TAF1: variants seen among roughly 807,000 people sequenced by gnomAD.
The protein encoded by TAF1 is transcription initiation factor TFIID subunit 1.
In TAF1, 2 loss-of-function variants were observed where a neutral mutation model predicts 138.5. The observed-to-expected ratio is 0.01, with a 90% confidence interval of 0.01 to 0.05. The LOEUF is 0.05. Ranked by LOEUF, TAF1 falls within the 10% of genes least tolerant of loss-of-function variation. The pLI, the probability that TAF1 is intolerant of heterozygous loss-of-function variation, is 1.00. For synonymous variants in TAF1, 437 were observed against 503.2 expected (o/e 0.87, Z 1.76); for missense variants, 709 against 1,478.0 (o/e 0.48, Z 8.53).
intron 13 of TAF1, among the ~76,000 whole-genome samples, chrX:71,473,653 A>G (rs1490568125): frequency 2.7e-5 from 3 of 110,114 alleles, no homozygotes; most frequent in Non-Finnish European, 5.7e-5. Flanking sequence ...TGGAGCCACT[A>G]CATTCCAGCC....
At chrX:71,413,663 G>T (rs2035908735) in intron 28 of TAF1, among the ~76,000 whole-genome samples, 1 of 111,034 alleles carries the variant, frequency 9.0e-6, no homozygotes, top group Non-Finnish European at 1.9e-5. Context: ...CCATACCTGT[G>T]CTTCTAGTTG....
chrX:71,379,104 G>GTTTTTTTTTTTT lies in TAF1; in HGVS notation c.1360+73_1360+74insTTTTTTTTTTTT, dbSNP rs2033681489. The stretch of plus-strand genomic sequence containing the variant: ...AGTCACCATAAGTGGGCTCAGCTGT[G>GTTTTTTTTTTTT]ATTTTTTTTTTTTTTTTTTTTTTTC... On this transcript the variant is annotated intron_variant, in intron 8 of 37. Coordinates refer to ENST00000423759, the MANE Select transcript of TAF1 (RefSeq NM_004606.5). 1.6e-5 allele frequency: 6 copies of GTTTTTTTTTTTT among 370,414 alleles called. No homozygotes were observed. In the African/African-American group the frequency reaches 2.2e-4, roughly 14 times the overall value. The allele number at this position is 370,414 out of a possible 1,213,427, so 30.5% of individuals were successfully genotyped here.
At chrX:71,493,265 G>A (rs961214742) in intron 13 of TAF1, among the ~76,000 whole-genome samples, 13 of 111,473 alleles carry the variant, frequency 1.2e-4, no homozygotes, top group Non-Finnish European at 2.4e-4. Flanking sequence ...CGCCCGCCTC[G>A]GACTTCCAAA....
Position 71,508,086 on chromosome X carries a change from C to CTCTCTA in TAF1, c.1367-20455_1367-20454insCTCTAT, listed in dbSNP as rs4040068. ...GAATATTCTCTCTCTCTCTCTCTCT[C>CTCTCTA]TATATATATATATATATATATATAT... On this transcript the variant is annotated intron_variant and NMD_transcript_variant, in intron 13 of 14. Coordinates refer to the TAF1 transcript ENST00000373775. 1.0e-2 allele frequency among the ~76,000 whole-genome samples: 921 copies of CTCTCTA among 92,137 alleles called. 12 individuals are homozygous for CTCTCTA. Among genetic ancestry groups the CTCTCTA allele is most frequent in the Non-Finnish European group, 0.016 (770 of 47,664 alleles). 80.0% of individuals were successfully genotyped at this position (92,137 alleles called of 115,157 possible). A position where few individuals can be genotyped will look rare whatever the true frequency, so the allele number is the denominator to read the frequency against.
chrX:71,389,252 A>G (rs758327755), intron 17 of TAF1, among the ~76,000 whole-genome samples: 16 of 111,940 alleles, frequency 1.4e-4, no homozygotes, highest in Admixed American at 2.9e-4. Flanking sequence ...AGAGAAGCAC[A>G]GAATTCTTAT....
intron 13 of TAF1, among the ~76,000 whole-genome samples, chrX:71,512,215 C>T (rs56744897): frequency 0.053 from 5,802 of 109,950 alleles, 355 homozygotes; most frequent in African/African-American, 0.18. Context: ...CTCAGGAGGC[C>T]GAGGCAAGAG....
At chrX:71,482,574 C>T (rs934292975) in intron 13 of TAF1, among the ~76,000 whole-genome samples, 2 of 112,248 alleles carry the variant, frequency 1.8e-5, no homozygotes, top group African/African-American at 6.5e-5. Flanking sequence ...TGCAATAGCA[C>T]GTCTAAAAAT....
In TAF1 at chrX:71,393,224, TTGTGTGTGTGTGTGTG is replaced by T. The variant is rs201372159; in HGVS notation, c.3052-51_3052-36del. 2.4e-4 allele frequency: 233 copies of T among 955,793 alleles called. 1 individual carries two copies. The highest frequency in any genetic ancestry group is 2.9e-4 in the Non-Finnish European group (210 of 727,797). 78.8% of individuals were successfully genotyped at this position (955,793 alleles called of 1,213,427 possible). ...TTGTCCTTTGAAATCCCTGAATGAT[TTGTGTGTGTGTGTGTG>T]TGTGTGTGTGTGTGTGTGTGTGTGT... On this transcript the variant is annotated intron_variant, in intron 20 of 37. Coordinates refer to ENST00000423759, the MANE Select transcript of TAF1 (RefSeq NM_004606.5).
intron 28 of TAF1, among the ~76,000 whole-genome samples, chrX:71,417,602 G>A (rs2036089245): frequency 9.1e-6 from 1 of 110,409 alleles, no homozygotes; most frequent in African/African-American, 3.3e-5. Context: ...GGGCTCAAGC[G>A]ATCTGTCCAC....
chrX:71,393,282 G>T lies in TAF1; in HGVS notation c.3052-19G>T, dbSNP rs755447285. 2 of 1,186,855 alleles carry T rather than the reference G, an allele frequency of 1.7e-6. No homozygotes were observed. The highest frequency in any genetic ancestry group is 2.3e-6 in the Non-Finnish European group (2 of 884,721). ...TGTGTGTGTATATTTATATTTGTGT[G>T]TGGCTATTTGTCTCGTAGATTAAAA... is the stretch of plus-strand genomic sequence containing the variant. On this transcript the variant is annotated intron_variant, in intron 20 of 37. Transcript: ENST00000423759.
chrX:71,433,045 A>G (rs2036967725), intron 32 of TAF1, among the ~76,000 whole-genome samples: 1 of 112,142 alleles, frequency 8.9e-6, no homozygotes, highest in African/African-American at 3.2e-5. Context: ...GAGAGGCTTA[A>G]TATGTTGAGA....
chrX:71,508,086 C>CTCTATATATA (rs4040068), intron 13 of TAF1, among the ~76,000 whole-genome samples: 80 of 92,176 alleles, frequency 8.7e-4, no homozygotes, highest in African/African-American at 1.5e-3. Flanking sequence ...CTCTCTCTCT[C>CTCTATATATA]TATATATATA....
intron 28 of TAF1, 37 bp downstream of exon 28, chrX:71,408,188 G>GT: frequency 2.5e-6 from 3 of 1,197,641 alleles, no homozygotes; most frequent in Non-Finnish European, 3.4e-6. Flanking sequence ...AAAGGTCACT[G>GT]TTCAGATCCT....
At chrX:71,381,656 G>A in intron 8 of TAF1, 87 bp from the exon 9 acceptor site, 2 of 1,043,621 alleles carry the variant, frequency 1.9e-6, no homozygotes, top group Non-Finnish European at 2.6e-6. Flanking sequence ...ACTAACATGA[G>A]TAACTCTTTT....
Position 71,406,954 on chromosome X carries a change from C to T in TAF1, c.4107+208C>T, listed in dbSNP as rs113431149. ...TTTTTGAGACGGAATCTCACTCTGT[C>T]GCCCAGGCTGAAGTGCAGTGGCACA... is the stretch of plus-strand genomic sequence containing the variant. On this transcript the variant is annotated intron_variant, in intron 26 of 37. Transcript: ENST00000423759. 9.8e-3 allele frequency among the ~76,000 whole-genome samples: 1,004 copies of T among 102,127 alleles called. 16 individuals are homozygous for T. Among genetic ancestry groups the T allele is most frequent in the African/African-American group, 0.034 (933 of 27,395 alleles). 88.7% of individuals were successfully genotyped at this position (102,127 alleles called of 115,157 possible).
At chrX:71,453,591 A>G (rs1328248408) in intron 32 of TAF1, among the ~76,000 whole-genome samples, 1 of 110,185 alleles carries the variant, frequency 9.1e-6, no homozygotes, top group African/African-American at 3.3e-5. Context: ...CTACAATGAC[A>G]TATCATTATC....
Position 71,381,855 on chromosome X carries a change from C to G in TAF1, c.1473C>G (p.Ala491=), listed in dbSNP as rs28382162. 21,494 of 1,181,891 alleles carry G rather than the reference C, an allele frequency of 0.018. 159 individuals carry two copies. Among genetic ancestry groups the G allele is most frequent in the Non-Finnish European group, 0.021 (18,393 of 880,393 alleles). ...WEDNIIWDAQ[A]MPRLLEPPVL... ...ACAATATCATTTGGGATGCTCAGGC[C>G]ATGCCCCGGCTGTTGGAACCTCCTG... The change falls in exon 9 of 38, where the codon GCC becomes GCG. Residue 491 remains alanine (A), a synonymous_variant. Transcript: ENST00000423759.
At chrX:71,494,050 C>T (rs2039348410) in intron 13 of TAF1, among the ~76,000 whole-genome samples, 1 of 111,739 alleles carries the variant, frequency 8.9e-6, no homozygotes, top group African/African-American at 3.3e-5. Context: ...TTGTCCAATC[C>T]GCAGACCGTG....
intron 14 of TAF1, 152 bp downstream of exon 14, chrX:71,385,201 G>T (rs932631664): frequency 1.3e-5 from 6 of 449,614 alleles, no homozygotes; most frequent in African/African-American, 2.5e-5. Context: ...ATGTTTTAAA[G>T]AAATCTTTTT....
Sources: allele counts gnomAD v4.1 joint callset (sites outside exome capture counted in the v4.1 genomes callset), GRCh38; gene constraint gnomAD v4.1.1; transcripts MANE v1.5; gene names NCBI Gene and HGNC (gene_info 2026-07-23, HGNC 2026-07-21).